Variants in REXO5 observed in about 807,000 individuals in gnomAD.
The protein encoded by REXO5 is exonuclease NEF-sp.
Under a neutral mutation model 88.5 loss-of-function variants are expected in REXO5, and 48 were observed. The observed-to-expected ratio is 0.54, with a 90% confidence interval of 0.43 to 0.69. The LOEUF (loss-of-function observed/expected upper bound fraction) is 0.69, where lower values mean the gene tolerates loss of function less well. Among genes scored for constraint, REXO5 ranks in the 30% least tolerant of loss-of-function variants. The pLI is 0.00. For synonymous variants in REXO5, 311 were observed against 336.5 expected (o/e 0.92, Z 0.83); for missense variants, 749 against 912.2 (o/e 0.82, Z 2.30).
intron 2 of REXO5, among the ~76,000 whole-genome samples, chr16:20,810,868 C>G (rs2080987295): frequency 1.3e-5 from 2 of 152,164 alleles, no homozygotes; most frequent in Admixed American, 6.5e-5. Context: ...GGTCATCTTC[C>G]TTTGTGAGCA....
intron 14 of REXO5, chr16:20,840,092 C>T (rs1311816617): frequency 1.9e-6 from 1 of 529,332 alleles, no homozygotes. Flanking sequence ...TGTATCACTA[C>T]ATATCTTATT....
In REXO5 at chr16:20,806,901, G is replaced by T. The variant is rs1030925928; in HGVS notation, c.-2-51G>T. ...TCTCCCGCTAGGAGGCGGCACGCGGGGGAATAGGGGCGCTGGAGTTTCCCC... is the reference window on the plus strand; with the variant it reads ...TCTCCCGCTAGGAGGCGGCACGCGGTGGAATAGGGGCGCTGGAGTTTCCCC... On this transcript the variant is annotated intron_variant, in intron 1 of 19. Transcript: ENST00000261377. The T allele has an allele frequency of 3.3e-6, 5 of 1,536,004 alleles. No individual in the cohort carries two copies. The African/African-American group carries it at 6.9e-5, about 21-fold the overall frequency.
At chr16:20,826,890 C>T (rs1212312885) in intron 8 of REXO5, among the ~76,000 whole-genome samples, 168 bp from the exon 9 acceptor site, 11 of 152,228 alleles carry the variant, frequency 7.2e-5, no homozygotes, top group Admixed American at 7.2e-4. Flanking sequence ...AAGCAATCAT[C>T]TCTGGGTGAT....
rs1174032119 is a variant in REXO5 at position 20,849,501 on chromosome 16, T to C, written c.*21T>C. ...CGTGAGTCGGCCTGCCATGTTTCCATGTGCCATTTCTTACCCCTTGTAGGC... is the reference window on the plus strand; with the variant it reads ...CGTGAGTCGGCCTGCCATGTTTCCACGTGCCATTTCTTACCCCTTGTAGGC... On this transcript the variant is annotated 3_prime_UTR_variant, in exon 20 of 20. Coordinates refer to ENST00000261377, the MANE Select transcript of REXO5 (RefSeq NM_030941.3). 4 of 1,612,196 alleles carry C rather than the reference T, an allele frequency of 2.5e-6. No individual in the cohort carries two copies. The South Asian group carries it at 4.4e-5, about 18-fold the overall frequency.
rs200221988 is a variant in REXO5 at position 20,821,840 on chromosome 16, T to A, written c.554T>A (p.Val185Glu). The A allele has an allele frequency of 3.1e-5, 50 of 1,608,582 alleles. 1 individual carries two copies. In the East Asian group the frequency reaches 1.1e-3, roughly 35 times the overall value. Residue 185 changes from valine to glutamate, a missense_variant, in exon 6 of 20, where the codon GTG (valine) becomes GAG (glutamate). Transcript: ENST00000261377. ...PIIQKYGSKKVGLTRCLLTKE... is the reference protein window; with the variant it reads ...PIIQKYGSKKEGLTRCLLTKE... ...ATTCAAAAGTATGGCTCTAAGAAAG[T>A]GGGCTTGACCAGATGCCTTCTGACA...
chr16:20,830,276 TC>T (rs753279343), intron 11 of REXO5, among the ~76,000 whole-genome samples: 3 of 152,154 alleles, frequency 2.0e-5, no homozygotes, highest in Admixed American at 6.5e-5. Context: ...AGCCTCTGCC[TC>T]CCCGGTTCAA....
At position 20,823,417 on chromosome 16, in the gene REXO5, T is replaced by G. The variant is rs370160796; in HGVS notation, c.617-1022T>G. On this transcript the variant is annotated intron_variant, in intron 6 of 19. Transcript: ENST00000261377. ...AACTCCATTTTATACATGGCTTTTT[T>G]CTCTATTTATTTTAACATATTTATA... is the stretch of plus-strand genomic sequence containing the variant. 5.3e-5 allele frequency: 8 copies of G among 152,348 alleles called. No individual in the cohort carries two copies. In the South Asian group the frequency reaches 1.4e-3, roughly 28 times the overall value. The allele number at this position is 152,348 out of a possible 1,614,324, so 9.4% of individuals were successfully genotyped here.
Position 20,824,475 on chromosome 16 carries a change from G to T in REXO5, c.653G>T (p.Cys218Phe), listed in dbSNP as rs781706789. ...TGTGAAAACTTTTTACTTACCAAAT[G>T]TAATGGTTCTATAGCAGACAATAGT... ...PDCENFLLTK[C>F]NGSIADNSPL... The change falls in exon 7 of 20, where the codon TGT becomes TTT. Residue 218 changes from cysteine (C) to phenylalanine (F), a missense_variant. Cys to Phe is a radical substitution (Grantham distance 205). Transcript: ENST00000261377. 1.1e-5 allele frequency: 18 copies of T among 1,611,406 alleles called. No individual in the cohort carries two copies. The highest frequency in any genetic ancestry group is 1.4e-5 in the Non-Finnish European group (16 of 1,178,106).
At position 20,828,323 on chromosome 16, in the gene REXO5, A is replaced by G. The variant is rs139513394; in HGVS notation, c.1056-112A>G. 8 of 683,816 alleles carry G rather than the reference A, an allele frequency of 1.2e-5. No homozygotes were observed. In the African/African-American group the frequency reaches 1.5e-4, roughly 12 times the overall value. The allele number at this position is 683,816 out of a possible 1,614,324, so 42.4% of individuals were successfully genotyped here. A position where few individuals can be genotyped will look rare whatever the true frequency, so the allele number is the denominator to read the frequency against. On this transcript the variant is annotated intron_variant, in intron 10 of 19. Transcript: ENST00000261377. ...AGGAACCTTGATTTTTGTGATGCAA[A>G]TCTAATTATCAGAATTCTAACATTT... is the stretch of plus-strand genomic sequence containing the variant.
intron 7 of REXO5, chr16:20,825,584 A>G (rs2240081): frequency 4.7e-6 from 2 of 427,238 alleles, no homozygotes; most frequent in Non-Finnish European, 8.4e-6. Context: ...AATGGTAGAT[A>G]CAATTATTAA....
At chr16:20,815,377 C>G (rs982195486) in intron 4 of REXO5, among the ~76,000 whole-genome samples, 1 of 152,096 alleles carries the variant, frequency 6.6e-6, no homozygotes, top group Non-Finnish European at 1.5e-5. Context: ...AGATTGGGCA[C>G]CCTTAAAACA....
At position 20,821,644 on chromosome 16, in the gene REXO5, G is replaced by A. The variant is rs1013871107; in HGVS notation, c.476-118G>A. On this transcript the variant is annotated intron_variant, in intron 5 of 19. Transcript: ENST00000261377. ...GATTGCAAGCCCCTAAATGGTTGGG[G>A]CTGAGTTTTATACATCTTTTGATCT... 9.6e-6 allele frequency: 9 copies of A among 934,814 alleles called. No individual in the cohort carries two copies. In the Middle Eastern group the frequency reaches 1.2e-3, roughly 122 times the overall value. The allele number at this position is 934,814 out of a possible 1,614,324, so 57.9% of individuals were successfully genotyped here. A position where few individuals can be genotyped will look rare whatever the true frequency, so the allele number is the denominator to read the frequency against.
rs770035586 is a variant in REXO5, at chr16:20,815,053, T to C, written c.378T>C (p.His126=). The change falls in exon 4 of 20, where the codon CAT becomes CAC. Residue 126 remains histidine (H), a splice_region_variant and synonymous_variant. Transcript: ENST00000261377. ...EFGCLRKAFR[H]KFRLPPPSSD... ...GATGTCTTCGAAAAGCATTCAGACATGTAAGTTAAGAATACTTTGTACTAG... is the reference window on the plus strand; with the variant it reads ...GATGTCTTCGAAAAGCATTCAGACACGTAAGTTAAGAATACTTTGTACTAG... The C allele has an allele frequency of 6.2e-7, 1 of 1,610,544 alleles. No homozygotes were observed. Among genetic ancestry groups the C allele is most frequent in the Non-Finnish European group, 8.5e-7 (1 of 1,179,174 alleles).
intron 8 of REXO5, 23 bp from the exon 9 acceptor site, chr16:20,827,035 C>A: frequency 6.2e-7 from 1 of 1,612,494 alleles, no homozygotes; most frequent in Non-Finnish European, 8.5e-7. Flanking sequence ...CTAGCCTGTC[C>A]ATTTCTCTTT....
intron 2 of REXO5, among the ~76,000 whole-genome samples, chr16:20,807,967 G>A (rs2080928555): frequency 6.6e-6 from 1 of 152,294 alleles, no homozygotes; most frequent in African/African-American, 2.4e-5. Context: ...CAAAGCAGCA[G>A]GAGGTGAGCG....
intron 2 of REXO5, chr16:20,808,912 TC>T (rs530709241): frequency 2.6e-5 from 4 of 151,456 alleles, no homozygotes; most frequent in Admixed American, 2.0e-4. Flanking sequence ...TGTTTTTTTT[TC>T]GTTTGTTTTT....
chr16:20,807,585 GAAAA>G (rs1013842567), intron 2 of REXO5, among the ~76,000 whole-genome samples: 10 of 50,582 alleles, frequency 2.0e-4, no homozygotes, highest in Admixed American at 1.8e-3. Context: ...TCACGTCTCA[GAAAA>G]AAAAAAAAAA....
chr16:20,822,948 C>A (rs890360000), intron 6 of REXO5, among the ~76,000 whole-genome samples: 6 of 152,132 alleles, frequency 3.9e-5, no homozygotes, highest in African/African-American at 1.4e-4. Context: ...CTGTGTTTAA[C>A]CTTTTGAGGA....
chr16:20,843,691 T>C (rs1466838663), intron 15 of REXO5, among the ~76,000 whole-genome samples: 1 of 152,260 alleles, frequency 6.6e-6, no homozygotes, highest in Non-Finnish European at 1.5e-5. Context: ...ATAAATATTA[T>C]GAAAAGCCTG....
Sources: gnomAD v4.1 joint callset for allele counts (sites outside exome capture counted in the v4.1 genomes callset) on GRCh38, gnomAD v4.1.1 for gene constraint, MANE v1.5 for transcripts, NCBI Gene and HGNC (gene_info 2026-07-23, HGNC 2026-07-21) for gene names.